HBP1: variants seen among roughly 807,000 people sequenced by gnomAD.
HBP1 encodes HMG-box transcription factor 1, also known as HMG box-containing protein 1.
In HBP1, 20 loss-of-function variants were observed where a neutral mutation model predicts 62.6. That is an observed-to-expected ratio of 0.32 (90% CI 0.22 to 0.46). The LOEUF (loss-of-function observed/expected upper bound fraction) is 0.46. Among genes scored for constraint, HBP1 ranks in the 20% least tolerant of loss-of-function variants. The pLI is 1.00. For missense variants in HBP1, 480 were observed against 611.8 expected, an observed-to-expected ratio of 0.78 and a Z score of 2.27; for synonymous variants, 232 against 206.2, an observed-to-expected ratio of 1.12 and a Z score of -1.07.
chr7:107,193,383 T>G (rs1451846998), intron 8 of HBP1: 1 of 152,150 alleles, frequency 6.6e-6, no homozygotes, highest in Non-Finnish European at 1.5e-5. Context: ...CAAGCCCATA[T>G]CTTGTAAAGA....
chr7:107,188,511 G>A (rs1584493271), intron 6 of HBP1, among the ~76,000 whole-genome samples: 1 of 152,086 alleles, frequency 6.6e-6, no homozygotes, highest in African/African-American at 2.4e-5. Context: ...CAAGCTTTTG[G>A]CGTGTTTGTC....
chr7:107,193,248 GTTAA>G (rs1390017351), intron 8 of HBP1: 4 of 152,018 alleles, frequency 2.6e-5, no homozygotes, highest in Admixed American at 1.3e-4. Flanking sequence ...TATATATAAT[GTTAA>G]TTTATTTAAT....
intron 1 of HBP1, chr7:107,169,925 G>A (rs576933466): frequency 1.0e-6 from 1 of 985,506 alleles, no homozygotes; most frequent in South Asian, 4.7e-5. Context: ...GGCGATTCCA[G>A]TCTCCGCCTT....
chr7:107,196,628 T>C (rs1258861162), intron 9 of HBP1: 2 of 238,744 alleles, frequency 8.4e-6, no homozygotes, highest in Admixed American at 5.2e-5. Context: ...AATTATTTTA[T>C]AATACATAGA....
rs1323131624 is a variant in HBP1 at position 107,186,465 on chromosome 7, T to C, written c.645T>C (p.Phe215=). ...NSWPSTVWHC[F]LKGTRLCFHK... Reference sequence around the variant, plus strand: ...GGCCTTCAACTGTCTGGCACTGTTTTTTGAAAGGTAAAACAAACAAACAAA... The same window carrying C: ...GGCCTTCAACTGTCTGGCACTGTTTCTTGAAAGGTAAAACAAACAAACAAA... Residue 215 remains phenylalanine, a synonymous_variant, in exon 5 of 11, where the codon TTT becomes TTC. Transcript: ENST00000222574. The C allele has an allele frequency of 3.7e-6, 6 of 1,607,594 alleles. No homozygotes were observed. Among genetic ancestry groups the C allele is most frequent in the Non-Finnish European group, 5.1e-6 (6 of 1,174,968 alleles).
chr7:107,179,947 G>A lies in HBP1; in HGVS notation c.54G>A (p.Leu18=), dbSNP rs751016259. The change falls in exon 2 of 11, where the codon CTG becomes CTA. Residue 18 remains leucine, a synonymous_variant. Transcript: ENST00000222574. ...TGCCTAATGCAGTACAGAAACTCCT[G>A]TTGGTGATGGACAAGAGAGCCTCAG... ...NQMPNAVQKL[L]LVMDKRASGM... The A allele has an allele frequency of 1.2e-6, 2 of 1,611,392 alleles. No homozygotes were observed. Among genetic ancestry groups the A allele is most frequent in the African/African-American group, 1.3e-5 (1 of 75,006 alleles).
At chr7:107,197,584 G>T (rs901311709) in intron 9 of HBP1, among the ~76,000 whole-genome samples, 5 of 152,100 alleles carry the variant, frequency 3.3e-5, no homozygotes. Flanking sequence ...TGGCCAGGCT[G>T]GTCTCAAACT....
intron 1 of HBP1, among the ~76,000 whole-genome samples, chr7:107,171,746 G>A (rs1796607296): frequency 6.6e-6 from 1 of 151,616 alleles, no homozygotes; most frequent in South Asian, 2.1e-4. Context: ...TGTAGTCCCA[G>A]CTGCTTGGGA....
intron 1 of HBP1, chr7:107,170,177 A>G (rs1168018645): frequency 2.1e-6 from 2 of 973,500 alleles, no homozygotes; most frequent in African/African-American, 3.5e-5. Context: ...TCATGGTGCC[A>G]CTGATGCCAG....
At chr7:107,187,656 C>T (rs1797459696) in intron 6 of HBP1, among the ~76,000 whole-genome samples, 1 of 152,142 alleles carries the variant, frequency 6.6e-6, no homozygotes, top group South Asian at 2.1e-4. Flanking sequence ...TAGTGAAGTT[C>T]ACAATAGTCT....
intron 1 of HBP1, among the ~76,000 whole-genome samples, chr7:107,174,955 A>G (rs1487267625): frequency 2.0e-5 from 3 of 152,202 alleles, no homozygotes; most frequent in Non-Finnish European, 4.4e-5. Flanking sequence ...AAGAACTCAC[A>G]TAGTATGACT....
At chr7:107,171,069 A>ATTTTTTTTTTTTTTTT (rs1292839546) in intron 1 of HBP1, among the ~76,000 whole-genome samples, 7 of 72,380 alleles carry the variant, frequency 9.7e-5, no homozygotes, top group African/African-American at 7.4e-4. Context: ...ATATATATAT[A>ATTTTTTTTTTTTTTTT]TATATTTTTT....
intron 1 of HBP1, among the ~76,000 whole-genome samples, chr7:107,171,088 T>TTTTTTTTTTTTA (rs1796568505): frequency 7.5e-6 from 1 of 134,222 alleles, no homozygotes. Context: ...TTTTTTTTTT[T>TTTTTTTTTTTTA]GAGAGGGAGT....
rs1485136301 is a variant in HBP1 at position 107,202,198 on chromosome 7, TCTC to T, written c.*771_*773del. Reference sequence around the variant, plus strand: ...GTATTTTTTAACTTCGTGTTCTGTATCTCCTCAGCCATGTATCTTAAATATATT... The same window carrying T: ...GTATTTTTTAACTTCGTGTTCTGTATCTCAGCCATGTATCTTAAATATATT... On this transcript the variant is annotated 3_prime_UTR_variant, in exon 11 of 11. Coordinates refer to ENST00000222574, the MANE Select transcript of HBP1 (RefSeq NM_012257.4). 6.6e-6 allele frequency: 1 copy of T among 152,646 alleles called. No homozygotes were observed. The highest frequency in any genetic ancestry group is 1.5e-5 in the Non-Finnish European group (1 of 68,038). The allele number at this position is 152,646 out of a possible 1,614,324, so 9.5% of individuals were successfully genotyped here.
At chr7:107,187,079 C>T (rs893655698) in intron 6 of HBP1, among the ~76,000 whole-genome samples, 1 of 152,020 alleles carries the variant, frequency 6.6e-6, no homozygotes, top group Admixed American at 6.6e-5. Context: ...GGTGAAACCC[C>T]ACCTCTACTA....
In HBP1 at chr7:107,184,549, C is replaced by T. The variant is rs113682725; in HGVS notation, c.399-1252C>T. 5.7e-3 allele frequency among the ~76,000 whole-genome samples: 862 copies of T among 152,226 alleles called. 8 individuals carry two copies. Among genetic ancestry groups the T allele is most frequent in the African/African-American group, 0.019 (808 of 41,530 alleles). Reference sequence around the variant, plus strand: ...TTTTTGAGACGGAGTCTTGCTCTGTCGCCCAGGCTCGAGTGCAGTGGTGCA... The same window carrying T: ...TTTTTGAGACGGAGTCTTGCTCTGTTGCCCAGGCTCGAGTGCAGTGGTGCA... On this transcript the variant is annotated intron_variant, in intron 3 of 10. Transcript: ENST00000222574.
intron 1 of HBP1, among the ~76,000 whole-genome samples, chr7:107,170,993 A>G (rs891935569): frequency 6.9e-6 from 1 of 145,052 alleles, no homozygotes; most frequent in Non-Finnish European, 1.5e-5. Context: ...ATATATATAA[A>G]ATATATAACA....
intron 3 of HBP1, among the ~76,000 whole-genome samples, chr7:107,183,769 A>G (rs1235330900): frequency 6.6e-6 from 1 of 152,202 alleles, no homozygotes; most frequent in African/African-American, 2.4e-5. Flanking sequence ...AAATAAAAAC[A>G]TAAGACATAA....
intron 1 of HBP1, among the ~76,000 whole-genome samples, chr7:107,174,177 G>C (rs1391095270): frequency 1.3e-5 from 2 of 152,204 alleles, no homozygotes; most frequent in Non-Finnish European, 2.9e-5. Flanking sequence ...CCGTGAGTCT[G>C]AGATTGAGTG....
Sources: allele counts gnomAD v4.1 joint callset (sites outside exome capture counted in the v4.1 genomes callset), GRCh38; gene constraint gnomAD v4.1.1; transcripts MANE v1.5; gene names NCBI Gene and HGNC (gene_info 2026-07-23, HGNC 2026-07-21).